Variants in TRDN observed in about 807,000 individuals in gnomAD.
The protein encoded by TRDN is triadin in skeletal muscle.
In TRDN, 161 loss-of-function variants were observed where a neutral mutation model predicts 149.7. That is an observed-to-expected ratio of 1.08 (90% CI 0.95 to 1.23). TRDN has a LOEUF of 1.23. Among genes scored for constraint, TRDN ranks in the 50% most tolerant of loss-of-function variants. The probability of loss-of-function intolerance (pLI) is 0.00; values close to 1 mark genes in which losing one functional copy is unlikely to be tolerated. For synonymous variants in TRDN, 294 were observed against 250.5 expected (o/e 1.17, Z -1.64); for missense variants, 896 against 823.5 (o/e 1.09, Z -1.08).
chr6:123,359,584 G>A (rs1432454068), intron 20 of TRDN, among the ~76,000 whole-genome samples: 1 of 152,180 alleles, frequency 6.6e-6, no homozygotes, highest in Non-Finnish European at 1.5e-5. Context: ...TAGTATGGCA[G>A]TAATGGCTAC....
chr6:123,629,409 G>C (rs1025984543), intron 1 of TRDN, among the ~76,000 whole-genome samples: 15 of 152,098 alleles, frequency 9.9e-5, no homozygotes, highest in Admixed American at 2.6e-4. Flanking sequence ...TCAGGGAGGG[G>C]AGAATGATGC....
intron 1 of TRDN, among the ~76,000 whole-genome samples, chr6:123,580,298 G>A (rs1333162525): frequency 2.0e-5 from 3 of 152,090 alleles, no homozygotes; most frequent in Non-Finnish European, 4.4e-5. Flanking sequence ...AAGGTGAAAA[G>A]CAATGATGAG....
At chr6:123,465,879 C>A (rs749371583) in intron 9 of TRDN, among the ~76,000 whole-genome samples, 6 of 152,128 alleles carry the variant, frequency 3.9e-5, no homozygotes, top group Non-Finnish European at 7.3e-5. Context: ...TGTCAGCAGA[C>A]CTGCCTTACT....
chr6:123,588,511 T>C (rs759155869), intron 1 of TRDN, among the ~76,000 whole-genome samples: 91 of 152,286 alleles, frequency 6.0e-4, no homozygotes, highest in South Asian at 1.7e-3. Context: ...ATTCAGTAAG[T>C]TGGGGATTTA....
At chr6:123,360,205 T>C (rs551509231) in intron 20 of TRDN, among the ~76,000 whole-genome samples, 4 of 152,236 alleles carry the variant, frequency 2.6e-5, no homozygotes, top group African/African-American at 9.6e-5. Flanking sequence ...CATACAAGCC[T>C]GAAATTCATT....
In TRDN at chr6:123,478,084, CAA is replaced by C. The variant is rs36054866; in HGVS notation, c.854-13103_854-13102del. The stretch of plus-strand genomic sequence containing the variant: ...AATAAAAAAAAAGAAAAATGTTCAC[CAA>C]AAAAAAAAAAACCTAATATAAGATT... On this transcript the variant is annotated intron_variant, in intron 9 of 40. Coordinates refer to ENST00000334268, the MANE Select transcript of TRDN (RefSeq NM_006073.4). Among the ~76,000 whole-genome samples, 207 of 140,980 alleles carry C rather than the reference CAA, an allele frequency of 1.5e-3. 2 individuals are homozygous for C. The highest frequency in any genetic ancestry group is 0.015 in the South Asian group (67 of 4,564). 92.5% of individuals were successfully genotyped at this position (140,980 alleles called of 152,430 possible). A position where few individuals can be genotyped will look rare whatever the true frequency, so the allele number is the denominator to read the frequency against.
chr6:123,541,956 G>A (rs942744650), intron 4 of TRDN, among the ~76,000 whole-genome samples: 6 of 152,102 alleles, frequency 3.9e-5, no homozygotes, highest in Non-Finnish European at 8.8e-5. Context: ...CTAAAGTCTT[G>A]AATATTTATG....
At chr6:123,602,499 G>T (rs1309978216) in intron 1 of TRDN, among the ~76,000 whole-genome samples, 1 of 152,050 alleles carries the variant, frequency 6.6e-6, no homozygotes, top group African/African-American at 2.4e-5. Flanking sequence ...CAGGTGATGA[G>T]TTCACCAAAA....
intron 32 of TRDN, among the ~76,000 whole-genome samples, chr6:123,267,242 A>C (rs566413865): frequency 3.3e-5 from 5 of 151,976 alleles, no homozygotes; most frequent in Non-Finnish European, 7.4e-5. Flanking sequence ...CATGTGAAAT[A>C]TTACATATTG....
At chr6:123,443,719 G>A (rs868013826) in intron 10 of TRDN, among the ~76,000 whole-genome samples, 44 of 150,020 alleles carry the variant, frequency 2.9e-4, no homozygotes, top group Middle Eastern at 3.2e-3. Flanking sequence ...AAGGCATCTA[G>A]TTTCAGCTTT....
intron 24 of TRDN, among the ~76,000 whole-genome samples, chr6:123,280,083 C>CCTTA (rs1777527474): frequency 6.6e-6 from 1 of 152,130 alleles, no homozygotes; most frequent in Non-Finnish European, 1.5e-5. Context: ...AGTTACAAGG[C>CCTTA]CTTAGTGCAG....
chr6:123,379,983 C>A (rs896260901), intron 16 of TRDN, among the ~76,000 whole-genome samples: 1 of 151,898 alleles, frequency 6.6e-6, no homozygotes, highest in Admixed American at 6.6e-5. Flanking sequence ...GGTGTACCAT[C>A]GAGTAAAGCA....
At chr6:123,443,745 C>T (rs983475397) in intron 10 of TRDN, among the ~76,000 whole-genome samples, 3 of 149,264 alleles carry the variant, frequency 2.0e-5, no homozygotes, top group Non-Finnish European at 3.0e-5. Flanking sequence ...TATGGCTAGC[C>T]AGTTTTCCCA....
At chr6:123,499,723 T>G (rs200711616) in intron 8 of TRDN, among the ~76,000 whole-genome samples, 1 of 35,992 alleles carries the variant, frequency 2.8e-5, no homozygotes. Flanking sequence ...AAAAAAAATA[T>G]ATATATATAT....
At chr6:123,248,047 T>A (rs1776247815) in intron 38 of TRDN, among the ~76,000 whole-genome samples, 1 of 152,216 alleles carries the variant, frequency 6.6e-6, no homozygotes, top group Non-Finnish European at 1.5e-5. Flanking sequence ...GCTAGTCATA[T>A]GCAGAAAACT....
At chr6:123,227,922 C>A (rs1328347048) in intron 38 of TRDN, among the ~76,000 whole-genome samples, 5 of 151,772 alleles carry the variant, frequency 3.3e-5, no homozygotes, top group Non-Finnish European at 7.4e-5. Context: ...GTGGCAGAGA[C>A]AGAACAAGAA....
chr6:123,256,987 C>T (rs1410410522), intron 35 of TRDN, among the ~76,000 whole-genome samples: 1 of 142,934 alleles, frequency 7.0e-6, no homozygotes, highest in Non-Finnish European at 1.5e-5. Flanking sequence ...TCTTTTCTTT[C>T]TTTTTTTTTT....
chr6:123,288,658 ATAAAT>A (rs77344005), intron 24 of TRDN, among the ~76,000 whole-genome samples: 27,567 of 151,976 alleles, frequency 0.18, 3,117 homozygotes, highest in East Asian at 0.53. Context: ...TGTGGGAAAT[ATAAAT>A]TAAACTACAA....
chr6:123,259,262 T>A (rs1383265018), intron 35 of TRDN, among the ~76,000 whole-genome samples: 1 of 152,118 alleles, frequency 6.6e-6, no homozygotes, highest in African/African-American at 2.4e-5. Flanking sequence ...TCCCACTTTC[T>A]CTGTATCAGA....
Sources: gnomAD v4.1 joint callset for allele counts (sites outside exome capture counted in the v4.1 genomes callset) on GRCh38, gnomAD v4.1.1 for gene constraint, MANE v1.5 for transcripts, NCBI Gene and HGNC (gene_info 2026-07-23, HGNC 2026-07-21) for gene names.